CHD9: variants seen among roughly 807,000 people sequenced by gnomAD.
The protein encoded by CHD9 is chromodomain helicase DNA binding protein 9.
CHD9 carries 77 observed loss-of-function variants against 316.1 expected under a neutral mutation model. The observed-to-expected ratio is 0.24, with a 90% confidence interval of 0.20 to 0.29. The LOEUF is 0.29. Ranked by LOEUF, CHD9 falls within the 10% of genes least tolerant of loss-of-function variation. The pLI is 1.00. For missense variants in CHD9, 2,763 were observed against 3,438.1 expected, an observed-to-expected ratio of 0.80 and a Z score of 4.91; for synonymous variants, 1,129 against 1,158.3, an observed-to-expected ratio of 0.97 and a Z score of 0.51.
chr16:53,259,400 A>G (rs2050887324), intron 19 of CHD9, among the ~76,000 whole-genome samples: 1 of 151,552 alleles, frequency 6.6e-6, no homozygotes, highest in Non-Finnish European at 1.5e-5. Flanking sequence ...GTAGCATATA[A>G]TTTTTTTTTA....
At chr16:53,102,301 T>C (rs2036950583) in intron 1 of CHD9, among the ~76,000 whole-genome samples, 1 of 152,128 alleles carries the variant, frequency 6.6e-6, no homozygotes, top group African/African-American at 2.4e-5. Context: ...TTCATGAGAG[T>C]AGGGTTCAAA....
At chr16:53,235,585 A>G (rs2048552765) in intron 11 of CHD9, among the ~76,000 whole-genome samples, 1 of 152,168 alleles carries the variant, frequency 6.6e-6, no homozygotes, top group South Asian at 2.1e-4. Context: ...TCTGTGTTAT[A>G]TAATGCTTTT....
At chr16:53,062,217 G>T (rs1338091761) in intron 1 of CHD9, among the ~76,000 whole-genome samples, 1 of 152,168 alleles carries the variant, frequency 6.6e-6, no homozygotes, top group Non-Finnish European at 1.5e-5. Flanking sequence ...CAGTCCTCCA[G>T]TTCAGGGCAT....
At chr16:53,203,013 A>T (rs1432700186) in intron 2 of CHD9, among the ~76,000 whole-genome samples, 2 of 152,202 alleles carry the variant, frequency 1.3e-5, no homozygotes, top group East Asian at 3.8e-4. Context: ...CTCTTTAAAC[A>T]TGTATTTATT....
intron 1 of CHD9, among the ~76,000 whole-genome samples, chr16:53,145,113 C>G (rs1304271694): frequency 6.6e-6 from 1 of 151,122 alleles, no homozygotes; most frequent in South Asian, 2.1e-4. Flanking sequence ...TAGAAGTTTT[C>G]TAAGCAGCCT....
chr16:53,263,151 A>G, intron 20 of CHD9, 54 bp downstream of exon 20: 1 of 1,325,514 alleles, frequency 7.5e-7, no homozygotes, highest in South Asian at 1.2e-5. Flanking sequence ...CTTTGGCAAT[A>G]GTATTGTAAT....
intron 10 of CHD9, among the ~76,000 whole-genome samples, chr16:53,234,278 A>G (rs1299435208): frequency 1.3e-5 from 2 of 152,170 alleles, no homozygotes; most frequent in Non-Finnish European, 2.9e-5. Context: ...TAGACAAATC[A>G]TGTCTTCTAT....
At chr16:53,198,453 A>G (rs2045143184) in intron 2 of CHD9, among the ~76,000 whole-genome samples, 1 of 151,538 alleles carries the variant, frequency 6.6e-6, no homozygotes, top group African/African-American at 2.4e-5. Context: ...CAGCCTCCCA[A>G]GTAGCTGGGA....
At chr16:53,279,384 A>G (rs1469165512) in intron 24 of CHD9, among the ~76,000 whole-genome samples, 1 of 152,146 alleles carries the variant, frequency 6.6e-6, no homozygotes, top group Non-Finnish European at 1.5e-5. Context: ...AGGGGGAGGG[A>G]TAGCATTAGG....
In CHD9 at chr16:53,140,633, CT is replaced by C. The variant is rs1164406176; in HGVS notation, c.-164-15292del. 1.1e-4 allele frequency among the ~76,000 whole-genome samples: 16 copies of C among 152,278 alleles called. 1 individual carries two copies. The East Asian group carries it at 3.1e-3, about 29-fold the overall frequency. On this transcript the variant is annotated intron_variant, in intron 1 of 38. Transcript: ENST00000447540. The stretch of plus-strand genomic sequence containing the variant: ...GACAGAGTCTCGCTCATCTCCTGTG[CT>C]GGAGTGCAGTAGCATCGATCGTAGC...
intron 1 of CHD9, among the ~76,000 whole-genome samples, chr16:53,122,753 C>A (rs1455883712): frequency 6.6e-6 from 1 of 152,088 alleles, no homozygotes; most frequent in Non-Finnish European, 1.5e-5. Context: ...GTCGCCCAGG[C>A]TGGAGTGCAG....
chr16:53,193,685 T>C (rs2044664432), intron 2 of CHD9, among the ~76,000 whole-genome samples: 1 of 152,148 alleles, frequency 6.6e-6, no homozygotes, highest in Non-Finnish European at 1.5e-5. Flanking sequence ...ATAAGGAACA[T>C]TAATCTTAAT....
intron 8 of CHD9, 131 bp from the exon 9 acceptor site, chr16:53,231,288 G>C: frequency 1.8e-6 from 1 of 540,936 alleles, no homozygotes; most frequent in South Asian, 2.9e-5. Context: ...GAAAATGGAA[G>C]AATTCCATTT....
chr16:53,078,555 G>A (rs1397303984), intron 1 of CHD9, among the ~76,000 whole-genome samples: 1 of 152,090 alleles, frequency 6.6e-6, no homozygotes, highest in East Asian at 1.9e-4. Flanking sequence ...TTCTGTTATA[G>A]CAACATAAAA....
intron 3 of CHD9, among the ~76,000 whole-genome samples, chr16:53,221,600 A>C (rs2047238258): frequency 6.6e-6 from 1 of 152,158 alleles, no homozygotes; most frequent in Admixed American, 6.5e-5. Context: ...AAGACAAAAA[A>C]ACCCACTTTC....
At chr16:53,306,485 C>T (rs1332795277) in intron 32 of CHD9, 88 bp downstream of exon 32, 2 of 1,105,628 alleles carry the variant, frequency 1.8e-6, no homozygotes, top group East Asian at 2.9e-5. Flanking sequence ...TATGTGGAAA[C>T]ATAGGTCAGC....
chr16:53,318,569 A>G (rs1370554830), intron 37 of CHD9, among the ~76,000 whole-genome samples: 1 of 152,260 alleles, frequency 6.6e-6, no homozygotes, highest in Non-Finnish European at 1.5e-5. Context: ...TCTGTGCCTA[A>G]GCAGTGCCAT....
At position 53,211,628 on chromosome 16, in the gene CHD9, G is replaced by A. The variant is rs575260286; in HGVS notation, c.1784+1815G>A. 6.6e-5 allele frequency among the ~76,000 whole-genome samples: 10 copies of A among 152,062 alleles called. No individual in the cohort carries two copies. The South Asian group carries it at 1.5e-3, about 22-fold the overall frequency. On this transcript the variant is annotated intron_variant, in intron 3 of 38. Coordinates refer to ENST00000447540, the MANE Select transcript of CHD9 (RefSeq NM_001308319.2). ...TTTTTGATAGAAGAATTTATAAGTCGCAGGCAGATAAGTGAATTGATAGAA... is the reference window on the plus strand; with the variant it reads ...TTTTTGATAGAAGAATTTATAAGTCACAGGCAGATAAGTGAATTGATAGAA...
intron 3 of CHD9, among the ~76,000 whole-genome samples, chr16:53,216,808 G>A (rs1597471112): frequency 6.6e-6 from 1 of 152,142 alleles, no homozygotes; most frequent in African/African-American, 2.4e-5. Flanking sequence ...AGTCATATTA[G>A]AGTCGTTTTT....
Sources: allele counts gnomAD v4.1 joint callset (sites outside exome capture counted in the v4.1 genomes callset), GRCh38; gene constraint gnomAD v4.1.1; transcripts MANE v1.5; gene names NCBI Gene and HGNC (gene_info 2026-07-23, HGNC 2026-07-21).